The following MYO16 variants were observed in gnomAD, a reference collection of about 807,000 sequenced individuals.
MYO16 encodes the protein unconventional myosin-XVI.
Under a neutral mutation model 205.3 loss-of-function variants are expected in MYO16, and 94 were observed. The observed-to-expected ratio is 0.46, with a 90% CI of 0.39 to 0.54. The LOEUF is 0.54. MYO16 is among the 20% of genes least tolerant of loss of function. The pLI is 0.00. For synonymous variants in MYO16, 988 were observed against 954.0 expected (o/e 1.04, Z -0.66); for missense variants, 2,315 against 2,387.5 (o/e 0.97, Z 0.63).
intron 4 of MYO16, among the ~76,000 whole-genome samples, chr13:108,779,099 G>A (rs532673008): frequency 1.3e-5 from 2 of 152,178 alleles, no homozygotes; most frequent in African/African-American, 2.4e-5. Context: ...GTCAACCACA[G>A]GTAACAGCTT....
intron 4 of MYO16, among the ~76,000 whole-genome samples, chr13:108,741,655 G>T (rs896768744): frequency 2.0e-5 from 3 of 152,118 alleles, no homozygotes; most frequent in Non-Finnish European, 4.4e-5. Flanking sequence ...ATTATTTTGG[G>T]GTTACAAATA....
At chr13:108,509,820 C>T in the MYO16 span, among the ~76,000 whole-genome samples, 1 of 152,074 alleles carries the variant, frequency 6.6e-6, no homozygotes, top group Admixed American at 6.6e-5. Context: ...AGGAATATGA[C>T]CCAACTGAGT....
chr13:109,058,468 A>G (rs535372016), intron 27 of MYO16, among the ~76,000 whole-genome samples: 1 of 152,298 alleles, frequency 6.6e-6, no homozygotes, highest in South Asian at 2.1e-4. Flanking sequence ...CAAATCACAT[A>G]AAGTTTTTGG....
intron 20 of MYO16, among the ~76,000 whole-genome samples, chr13:108,984,822 T>G (rs1017714053): frequency 6.6e-6 from 1 of 152,154 alleles, no homozygotes; most frequent in Non-Finnish European, 1.5e-5. Flanking sequence ...CCTATCCTTA[T>G]GTTAATGTGC....
At chr13:108,600,012 A>G (rs971505776) in intron 1 of MYO16, among the ~76,000 whole-genome samples, 1 of 152,190 alleles carries the variant, frequency 6.6e-6, no homozygotes, top group Non-Finnish European at 1.5e-5. Context: ...TTGTATTTTT[A>G]GACACACCCC....
At chr13:108,781,706 T>C (rs1046567330) in intron 4 of MYO16, among the ~76,000 whole-genome samples, 4 of 130,652 alleles carry the variant, frequency 3.1e-5, no homozygotes, top group African/African-American at 1.0e-4. Context: ...ATTTGAATTG[T>C]ATCTCACACA....
the MYO16 span, among the ~76,000 whole-genome samples, chr13:108,556,411 G>A: frequency 4.6e-3 from 695 of 152,024 alleles, 6 homozygotes; most frequent in African/African-American, 0.016. Context: ...TTGTATACCC[G>A]TTGGCCATTT....
At chr13:109,183,017 C>A (rs1178030078) in intron 34 of MYO16, among the ~76,000 whole-genome samples, 8 of 152,128 alleles carry the variant, frequency 5.3e-5, no homozygotes, top group Non-Finnish European at 8.8e-5. Flanking sequence ...CTTGAGGGAG[C>A]TTTGTGGCAG....
At chr13:108,542,005 T>C in the MYO16 span, among the ~76,000 whole-genome samples, 2 of 152,158 alleles carry the variant, frequency 1.3e-5, no homozygotes, top group African/African-American at 4.8e-5. Context: ...TAAACACACA[T>C]GCATGCTTAT....
intron 16 of MYO16, among the ~76,000 whole-genome samples, chr13:108,918,853 C>T (rs534842011): frequency 2.6e-3 from 387 of 151,726 alleles, no homozygotes; most frequent in African/African-American, 9.0e-3. Context: ...GCAAGAGAAT[C>T]GCGGGAACCT....
intron 20 of MYO16, among the ~76,000 whole-genome samples, chr13:108,975,680 C>G (rs535870699): frequency 6.6e-6 from 1 of 152,088 alleles, no homozygotes; most frequent in East Asian, 1.9e-4. Context: ...CCATTATTCT[C>G]TCTACCAGGA....
chr13:109,023,640 T>G (rs187525322), intron 23 of MYO16, among the ~76,000 whole-genome samples: 1,310 of 121,238 alleles, frequency 0.011, 15 homozygotes, highest in South Asian at 0.027. Context: ...CAAATATATA[T>G]ACAAATATAT....
intron 33 of MYO16, chr13:109,166,846 T>C (rs1345280737): frequency 6.6e-6 from 1 of 152,240 alleles, no homozygotes; most frequent in East Asian, 1.9e-4. Context: ...ACTTGGAGGC[T>C]TATATAAGAA....
chr13:108,961,629 G>A lies in MYO16; in HGVS notation c.2128G>A (p.Val710Ile), dbSNP rs148077137. 1.5e-5 allele frequency: 25 copies of A among 1,613,882 alleles called. No homozygotes were observed. The African/African-American group carries it at 2.4e-4, about 15-fold the overall frequency. Residue 710 changes from valine (V) to isoleucine (I), a missense_variant, in exon 18 of 35, where the codon GTT becomes ATT. By Grantham distance (29) the Val-to-Ile change is conservative. This residue lies in a region of MYO16 where 1,213 missense variants were observed against 1,274.4 expected (regional missense o/e 0.95). Coordinates refer to ENST00000457511, the MANE Select transcript of MYO16 (RefSeq NM_001198950.3). Reference sequence around the variant, plus strand: ...CCTGAATGAGGGGAACTCCGCCTTCGTTTCTGACCTCCAGCTCCTGGAACA... The same window carrying A: ...CCTGAATGAGGGGAACTCCGCCTTCATTTCTGACCTCCAGCTCCTGGAACA... ...TALNEGNSAFVSDLQLLEQVA... is the reference protein window; with the variant it reads ...TALNEGNSAFISDLQLLEQVA...
At chr13:109,022,972 GTAAA>G (rs1170180215) in intron 23 of MYO16, among the ~76,000 whole-genome samples, 1 of 131,134 alleles carries the variant, frequency 7.6e-6, no homozygotes, top group Admixed American at 8.4e-5. Flanking sequence ...ATATATACAC[GTAAA>G]TATAGGTATA....
intron 4 of MYO16, among the ~76,000 whole-genome samples, chr13:108,735,902 A>C (rs1204889467): frequency 1.3e-5 from 2 of 152,150 alleles, no homozygotes; most frequent in Non-Finnish European, 2.9e-5. Context: ...AGTGATGATG[A>C]GCATTTGTTC....
chr13:108,549,784 G>C, the MYO16 span, among the ~76,000 whole-genome samples: 2 of 152,104 alleles, frequency 1.3e-5, no homozygotes, highest in African/African-American at 2.4e-5. Context: ...TAAATACCCA[G>C]CTCCTCCTGC....
intron 1 of MYO16, among the ~76,000 whole-genome samples, chr13:108,598,297 T>C (rs1446979942): frequency 6.8e-6 from 1 of 147,844 alleles, no homozygotes; most frequent in African/African-American, 2.5e-5. Flanking sequence ...TAAATAAACA[T>C]TGTAGTGATA....
At chr13:108,908,581 C>T (rs557889495) in intron 15 of MYO16, among the ~76,000 whole-genome samples, 1 of 152,108 alleles carries the variant, frequency 6.6e-6, no homozygotes, top group Non-Finnish European at 1.5e-5. Flanking sequence ...ATTTGCCTTT[C>T]TAAGAACTGC....
Sources: gnomAD v4.1 joint callset for allele counts (sites outside exome capture counted in the v4.1 genomes callset) on GRCh38, gnomAD v4.1.1 for gene constraint, gnomAD v4.1.1 regional missense constraint, MANE v1.5 for transcripts, NCBI Gene and HGNC (gene_info 2026-07-23, HGNC 2026-07-21) for gene names.